The following BICDL1 variants were observed in gnomAD, a reference collection of about 807,000 sequenced individuals.
BICDL1 encodes the protein BICD family like cargo adaptor 1, also known as BICD family-like cargo adapter 1.
In BICDL1, 20 loss-of-function variants were observed where a neutral mutation model predicts 76.8. That is an observed-to-expected ratio of 0.26 (90% confidence interval 0.18 to 0.38). The LOEUF is 0.38. Ranked by LOEUF, BICDL1 falls within the 10% of genes least tolerant of loss-of-function variation. The probability of loss-of-function intolerance (pLI) is 1.00; values close to 1 mark genes in which losing one functional copy is unlikely to be tolerated. For synonymous variants in BICDL1, 383 were observed against 337.1 expected (o/e 1.14, Z -1.49); for missense variants, 700 against 798.6 (o/e 0.88, Z 1.49).
At chr12:120,008,152 T>C (rs1951884922) in intron 2 of BICDL1, among the ~76,000 whole-genome samples, 1 of 16,350 alleles carries the variant, frequency 6.1e-5, no homozygotes, top group East Asian at 9.8e-3. Context: ...TACTCTTTCT[T>C]TTTTTTTTTT....
At chr12:120,010,153 C>T (rs1277183005) in intron 2 of BICDL1, among the ~76,000 whole-genome samples, 1 of 152,244 alleles carries the variant, frequency 6.6e-6, no homozygotes, top group Non-Finnish European at 1.5e-5. Context: ...CGCCAGCCTG[C>T]AGCCTCCATG....
At chr12:120,056,342 C>G (rs1271110354) in intron 2 of BICDL1, among the ~76,000 whole-genome samples, 1 of 152,216 alleles carries the variant, frequency 6.6e-6, no homozygotes, top group Non-Finnish European at 1.5e-5. Flanking sequence ...CAAGTAATTA[C>G]TGGCTGCTTA....
At position 120,061,777 on chromosome 12, in the gene BICDL1, A is replaced by G; in HGVS notation, c.713A>G (p.Asn238Ser). The change falls in exon 3 of 10, where the codon AAC (asparagine) becomes AGC (serine). Residue 238 changes from asparagine to serine, a missense_variant. Physicochemically the swap from Asn to Ser is conservative, Grantham distance 46. Around this residue, in one of 3 missense-constraint regions of BICDL1, gnomAD observed 455 missense variants for 548.7 expected, o/e 0.83. Coordinates refer to ENST00000548673, the MANE Select transcript of BICDL1 (RefSeq NM_001367886.1). ...CTCAGAGAAGACTTTCGGGAGAAAA[A>G]CTCATCAACCAACCAGCACATTATC... is the stretch of plus-strand genomic sequence containing the variant. ...HALREDFREK[N>S]SSTNQHIIRL... The G allele has an allele frequency of 6.2e-7, 1 of 1,614,028 alleles. No homozygotes were observed. Among genetic ancestry groups the G allele is most frequent in the South Asian group, 1.1e-5 (1 of 91,074 alleles).
chr12:120,034,050 T>C (rs1200989338), intron 2 of BICDL1, among the ~76,000 whole-genome samples: 1 of 152,234 alleles, frequency 6.6e-6, no homozygotes, highest in East Asian at 1.9e-4. Context: ...TTCTCATCTT[T>C]TGTACTCGAG....
intron 2 of BICDL1, among the ~76,000 whole-genome samples, chr12:120,019,537 C>A (rs1186685249): frequency 3.9e-5 from 6 of 152,144 alleles, no homozygotes; most frequent in African/African-American, 1.2e-4. Context: ...TTGCTGATTT[C>A]ATAGGTAAAT....
At chr12:120,064,680 T>A in intron 3 of BICDL1, 53 bp from the exon 4 acceptor site, 2 of 1,543,056 alleles carry the variant, frequency 1.3e-6, no homozygotes, top group Non-Finnish European at 1.7e-6. Context: ...TAGTTCCTAC[T>A]TGTCAGCCCG....
chr12:120,052,897 G>C (rs949985832), intron 2 of BICDL1, among the ~76,000 whole-genome samples: 1 of 151,930 alleles, frequency 6.6e-6, no homozygotes, highest in Non-Finnish European at 1.5e-5. Flanking sequence ...TCAGCCTCCT[G>C]AGTAGCTGGG....
intron 2 of BICDL1, among the ~76,000 whole-genome samples, chr12:120,051,166 G>C (rs980041453): frequency 6.6e-6 from 1 of 151,986 alleles, no homozygotes; most frequent in African/African-American, 2.4e-5. Context: ...TCCTGCCTCA[G>C]CCTCCCAAGT....
At chr12:119,999,646 C>T (rs1951722057) in intron 2 of BICDL1, 20 of 284,004 alleles carry the variant, frequency 7.0e-5, no homozygotes, top group South Asian at 6.5e-4. Context: ...AAAATCATTT[C>T]AAGGAAGGAG....
Position 120,094,228 on chromosome 12 carries a change from C to A in BICDL1, c.*1067C>A. The A allele has an allele frequency of 2.2e-6, 1 of 456,606 alleles. No individual in the cohort carries two copies. 28.3% of individuals were successfully genotyped at this position (456,606 alleles called of 1,614,324 possible). ...GCCCCAACTCAGAGGCTCCGCGGCC[C>A]GGCCAGCCCTCAGCTGCTCACAACC... On this transcript the variant is annotated 3_prime_UTR_variant, in exon 10 of 10. Coordinates refer to ENST00000548673, the MANE Select transcript of BICDL1 (RefSeq NM_001367886.1).
chr12:120,093,201 G>A lies in BICDL1; in HGVS notation c.*40G>A, dbSNP rs760243000. 19 of 1,555,582 alleles carry A rather than the reference G, an allele frequency of 1.2e-5. No homozygotes were observed. In the Admixed American group the frequency reaches 3.7e-4, roughly 30 times the overall value. ...GGCCACCAAAGATGGGTGGACTGGA[G>A]GCAGCTGGAAAGGCGGTGCAGGCAA... On this transcript the variant is annotated 3_prime_UTR_variant, in exon 10 of 10. Transcript: ENST00000548673.
At chr12:120,064,537 CA>C (rs1253929253) in intron 3 of BICDL1, 195 bp from the exon 4 acceptor site, 2 of 406,228 alleles carry the variant, frequency 4.9e-6, no homozygotes, top group Non-Finnish European at 4.3e-6. Context: ...TACTCCTTCC[CA>C]GACAGGTTTC....
At chr12:119,999,478 T>C (rs1951718793) in intron 2 of BICDL1, among the ~76,000 whole-genome samples, 1 of 152,262 alleles carries the variant, frequency 6.6e-6, no homozygotes, top group African/African-American at 2.4e-5. Context: ...TTTTTATTGA[T>C]GTTGCATTTG....
chr12:120,057,818 C>CTTTTTT (rs143777152), intron 2 of BICDL1, among the ~76,000 whole-genome samples: 7 of 78,324 alleles, frequency 8.9e-5, no homozygotes, highest in Non-Finnish European at 1.6e-4. Context: ...GCGATTCCTG[C>CTTTTTT]TTTTTTTTTT....
At position 120,012,165 on chromosome 12, in the gene BICDL1, A is replaced by G. The variant is rs1338574564; in HGVS notation, c.645+13429A>G. Among the ~76,000 whole-genome samples, 4 of 152,148 alleles carry G rather than the reference A, an allele frequency of 2.6e-5. 1 individual carries two copies. Among genetic ancestry groups the G allele is most frequent in the African/African-American group, 9.7e-5 (4 of 41,424 alleles). Reference sequence around the variant, plus strand: ...TCACCCAAATTTACTCCTTTGTGTAATGAGAAATAGAGAGAGGTTGAGATG... The same window carrying G: ...TCACCCAAATTTACTCCTTTGTGTAGTGAGAAATAGAGAGAGGTTGAGATG... On this transcript the variant is annotated intron_variant, in intron 2 of 9. Transcript: ENST00000548673.
chr12:120,054,137 A>C (rs1216951936), intron 2 of BICDL1, among the ~76,000 whole-genome samples: 2 of 148,606 alleles, frequency 1.3e-5, no homozygotes, highest in African/African-American at 5.0e-5. Flanking sequence ...CAGTTGTGTG[A>C]TCTCAGCTCA....
intron 2 of BICDL1, among the ~76,000 whole-genome samples, chr12:120,006,891 T>G (rs1951860806): frequency 6.6e-6 from 1 of 152,056 alleles, no homozygotes; most frequent in African/African-American, 2.4e-5. Flanking sequence ...AAAAGATTAG[T>G]TACTCTAGGA....
At chr12:120,074,421 G>C in intron 6 of BICDL1, 22 bp from the exon 7 acceptor site, 1 of 1,170,952 alleles carries the variant, frequency 8.5e-7, no homozygotes. Flanking sequence ...TATCTGTCTG[G>C]CTGTCTTTCT....
In BICDL1 at chr12:120,093,946, G is replaced by T. The variant is rs1875201877; in HGVS notation, c.*785G>T. On this transcript the variant is annotated 3_prime_UTR_variant, in exon 10 of 10. Coordinates refer to ENST00000548673, the MANE Select transcript of BICDL1 (RefSeq NM_001367886.1). ...CTGCTCAGGGCTGGGGTTGGACGGGGTCTCCTCCTCCCACAGCTCCCTCCT... is the reference window on the plus strand; with the variant it reads ...CTGCTCAGGGCTGGGGTTGGACGGGTTCTCCTCCTCCCACAGCTCCCTCCT... 1.5e-5 allele frequency: 5 copies of T among 322,818 alleles called. No individual in the cohort carries two copies. Among genetic ancestry groups the T allele is most frequent in the South Asian group, 1.3e-4 (5 of 39,892 alleles). 20.0% of individuals were successfully genotyped at this position (322,818 alleles called of 1,614,324 possible).
Sources: allele counts gnomAD v4.1 joint callset (sites outside exome capture counted in the v4.1 genomes callset), GRCh38; gene constraint gnomAD v4.1.1; regional missense constraint gnomAD v4.1.1; transcripts MANE v1.5; gene names NCBI Gene and HGNC (gene_info 2026-07-23, HGNC 2026-07-21).